The following SEMA3B variants were observed in gnomAD, a reference collection of about 807,000 sequenced individuals.
The protein encoded by SEMA3B is semaphorin 3B.
A neutral mutation model predicts 77.8 loss-of-function variants in SEMA3B; 71 were observed. That is an observed-to-expected ratio of 0.91 (90% confidence interval 0.75 to 1.11). The LOEUF (loss-of-function observed/expected upper bound fraction) is 1.11. Ranked by LOEUF, SEMA3B falls within the 50% of genes most tolerant of loss-of-function variation. SEMA3B has a pLI of 0.00. For synonymous variants in SEMA3B, 470 were observed against 452.9 expected, an observed-to-expected ratio of 1.04 and a Z score of -0.48; for missense variants, 968 against 1,056.8, an observed-to-expected ratio of 0.92 and a Z score of 1.17.
upstream of SEMA3B, among the ~76,000 whole-genome samples, chr3:50,263,950 C>T (rs782064667): frequency 6.6e-6 from 1 of 152,066 alleles, no homozygotes; most frequent in South Asian, 2.1e-4. Flanking sequence ...CTAATCCCAG[C>T]ACTTTGGGAG....
Position 50,274,152 on chromosome 3 carries a change from C to T in SEMA3B, c.1137+95C>T, listed in dbSNP as rs1701143389. ...TCTTCTTGGTGAATGTGGTTTCTTC[C>T]TTTAGTTATGGGTGGGAAAACGTTT... On this transcript the variant is annotated intron_variant, in intron 10 of 16. Transcript: ENST00000616701. The surrounding 1 kb of genome is among the most constrained non-coding windows in gnomAD (Gnocchi z 4.7). 2 of 1,544,250 alleles carry T rather than the reference C, an allele frequency of 1.3e-6. No individual in the cohort carries two copies. The highest frequency in any genetic ancestry group is 1.7e-6 in the Non-Finnish European group (2 of 1,144,294).
In SEMA3B at chr3:50,275,696, C is replaced by T. The variant is rs781793236; in HGVS notation, c.1706-9C>T. 3.1e-6 allele frequency: 5 copies of T among 1,611,784 alleles called. No individual in the cohort carries two copies. The highest frequency in any genetic ancestry group is 3.4e-6 in the Non-Finnish European group (4 of 1,178,338). ...CCTTGCCTAAATCTGACTTTCTTCT[C>T]GCCCCAAGACTCGTCTCGTCCCGCG... On this transcript the variant is annotated splice_polypyrimidine_tract_variant and intron_variant, in intron 15 of 16. Coordinates refer to ENST00000616701, the MANE Select transcript of SEMA3B (RefSeq NM_001290060.2). The surrounding 1 kb of genome is among the most constrained non-coding windows in gnomAD (Gnocchi z 7.5).
At position 50,276,031 on chromosome 3, in the gene SEMA3B, C is replaced by G. The variant is rs587723075; in HGVS notation, c.1845+187C>G. On this transcript the variant is annotated intron_variant, in intron 16 of 16. Coordinates refer to ENST00000616701, the MANE Select transcript of SEMA3B (RefSeq NM_001290060.2). This position sits in a 1 kb window ranked among gnomAD's most constrained non-coding sequence, Gnocchi z 5.8. ...GTCCAACGGGGCTCCCGACCCGCCT[C>G]CCCTGAATCAAGGAGAAGACCCGCC... 863 of 902,670 alleles carry G rather than the reference C, an allele frequency of 9.6e-4. 11 individuals carry two copies. In the African/African-American group the frequency reaches 0.013, roughly 13 times the overall value. 55.9% of individuals were successfully genotyped at this position (902,670 alleles called of 1,614,324 possible).
chr3:50,276,284 G>T lies in SEMA3B; in HGVS notation c.1846-18G>T. The T allele has an allele frequency of 6.8e-7, 1 of 1,470,936 alleles. No homozygotes were observed. The highest frequency in any genetic ancestry group is 1.3e-5 in the South Asian group (1 of 75,510). 91.1% of individuals were successfully genotyped at this position (1,470,936 alleles called of 1,614,324 possible). A position where few individuals can be genotyped will look rare whatever the true frequency, so the allele number is the denominator to read the frequency against. On this transcript the variant is annotated intron_variant, in intron 16 of 16. Transcript: ENST00000616701. The surrounding 1 kb of genome is among the most constrained non-coding windows in gnomAD (Gnocchi z 5.8). The stretch of plus-strand genomic sequence containing the variant: ...TCCCGGCCCGACACCCCCGCCTCAC[G>T]CTGCCCTCTGCCCGCAGGTGCTGGC...
upstream of SEMA3B, among the ~76,000 whole-genome samples, chr3:50,264,665 T>C (rs1033726381): frequency 2.6e-5 from 4 of 152,196 alleles, no homozygotes; most frequent in African/African-American, 9.6e-5. Context: ...AGTATTTATG[T>C]AAATGTCTGT....
At position 50,276,189 on chromosome 3, in the gene SEMA3B, T is replaced by C. The variant is rs1255482954; in HGVS notation, c.1846-113T>C. 2 of 1,359,276 alleles carry C rather than the reference T, an allele frequency of 1.5e-6. No homozygotes were observed. Among genetic ancestry groups the C allele is most frequent in the East Asian group, 2.7e-5 (1 of 36,576 alleles). The allele number at this position is 1,359,276 out of a possible 1,614,324, so 84.2% of individuals were successfully genotyped here. Reference sequence around the variant, plus strand: ...AAAATGTGCGCCTGCGGGCACCCCTTTCCCGCTCCACCTCGGCTCCCAATG... The same window carrying C: ...AAAATGTGCGCCTGCGGGCACCCCTCTCCCGCTCCACCTCGGCTCCCAATG... On this transcript the variant is annotated intron_variant, in intron 16 of 16. Transcript: ENST00000616701. This position sits in a 1 kb window ranked among gnomAD's most constrained non-coding sequence, Gnocchi z 5.8.
rs1205280797 is a variant in SEMA3B at position 50,270,891 on chromosome 3, C to T, written c.332C>T (p.Thr111Ile). The T allele has an allele frequency of 3.1e-6, 5 of 1,601,892 alleles. No homozygotes were observed. Among genetic ancestry groups the T allele is most frequent in the Non-Finnish European group, 4.3e-6 (5 of 1,174,208 alleles). The change falls in exon 4 of 17, where the codon ACT becomes ATT. Residue 111 changes from threonine to isoleucine, a missense_variant and splice_region_variant. Thr to Ile is a moderately conservative substitution (Grantham distance 89). Coordinates refer to ENST00000616701, the MANE Select transcript of SEMA3B (RefSeq NM_001290060.2). This position sits in a 1 kb window ranked among gnomAD's most constrained non-coding sequence, Gnocchi z 4.7. ...ECNWAGKDIG[T>I]ECMNFVKLLH... Reference sequence around the variant, plus strand: ...GCCTCACACCTCCAACCCTACTAGACTGAGTGCATGAACTTCGTGAAGTTG... The same window carrying T: ...GCCTCACACCTCCAACCCTACTAGATTGAGTGCATGAACTTCGTGAAGTTG...
At position 50,269,333 on chromosome 3, in the gene SEMA3B, T is replaced by C; in HGVS notation, c.93T>C (p.Leu31=). The change falls in exon 1 of 17, where the codon CTT becomes CTC. Residue 31 remains leucine (L), a synonymous_variant. Transcript: ENST00000616701. The surrounding 1 kb of genome is among the most constrained non-coding windows in gnomAD (Gnocchi z 4.0). ...LGSAAPSPPR[L]RLSFQELQAW... ...GTGCCGCCCCCAGCCCCCCACGCCT[T>C]CGGCTCTCCTTCCAAGGTAGGTGCA... is the stretch of plus-strand genomic sequence containing the variant. The C allele has an allele frequency of 6.6e-7, 1 of 1,509,012 alleles. No individual in the cohort carries two copies. The allele number at this position is 1,509,012 out of a possible 1,614,324, so 93.5% of individuals were successfully genotyped here.
At chr3:50,264,525 C>T (rs182939389), upstream of SEMA3B, among the ~76,000 whole-genome samples, 86 of 152,286 alleles carry the variant, frequency 5.6e-4, no homozygotes, top group African/African-American at 2.0e-3. Flanking sequence ...TTCAGCCCCA[C>T]CTCCTGCTGG....
In SEMA3B at chr3:50,274,542, A is replaced by G; in HGVS notation, c.1317A>G (p.Ala439=). ...CTCAAATTGCCGCGGACCGGGTTGC[A>G]GCCGCTGACGGACACTATGACGTCC... ...TFTQIAADRV[A]AADGHYDVLF... is the part of the protein sequence containing the mutation. The change falls in exon 11 of 17, where the codon GCA becomes GCG. Residue 439 remains alanine, a synonymous_variant. Coordinates refer to ENST00000616701, the MANE Select transcript of SEMA3B (RefSeq NM_001290060.2). The surrounding 1 kb of genome is among the most constrained non-coding windows in gnomAD (Gnocchi z 4.7). 6.4e-7 allele frequency: 1 copy of G among 1,563,824 alleles called. No homozygotes were observed.
At position 50,269,827 on chromosome 3, in the gene SEMA3B, G is replaced by T. The variant is rs913333002; in HGVS notation, c.110-300G>T. ...ATCCCTGCATGCCAGTCTCCCCCAG[G>T]ACTCTGGTGTCCATAAGCCTTGCCT... On this transcript the variant is annotated intron_variant, in intron 1 of 16. Coordinates refer to ENST00000616701, the MANE Select transcript of SEMA3B (RefSeq NM_001290060.2). This position sits in a 1 kb window ranked among gnomAD's most constrained non-coding sequence, Gnocchi z 4.0. Among the ~76,000 whole-genome samples, 4 of 152,118 alleles carry T rather than the reference G, an allele frequency of 2.6e-5. No individual in the cohort carries two copies. The highest frequency in any genetic ancestry group is 4.4e-5 in the Non-Finnish European group (3 of 68,014).
In SEMA3B at chr3:50,274,331, C is replaced by A; in HGVS notation, c.1138-32C>A. The A allele has an allele frequency of 1.4e-6, 2 of 1,460,992 alleles. No homozygotes were observed. The highest frequency in any genetic ancestry group is 1.8e-4 in the Middle Eastern group (1 of 5,428). 90.5% of individuals were successfully genotyped at this position (1,460,992 alleles called of 1,614,324 possible). A position where few individuals can be genotyped will look rare whatever the true frequency, so the allele number is the denominator to read the frequency against. ...GCCTATCAAGCCCCCATATCTATAT[C>A]CCTGCTGTGCCTCCCTTTCCCCCAC... On this transcript the variant is annotated intron_variant, in intron 10 of 16. Coordinates refer to ENST00000616701, the MANE Select transcript of SEMA3B (RefSeq NM_001290060.2). This position sits in a 1 kb window ranked among gnomAD's most constrained non-coding sequence, Gnocchi z 4.7.
In SEMA3B at chr3:50,274,799, T is replaced by C. The variant is rs367671398; in HGVS notation, c.1358-44T>C. On this transcript the variant is annotated intron_variant, in intron 11 of 16. Transcript: ENST00000616701. This position sits in a 1 kb window ranked among gnomAD's most constrained non-coding sequence, Gnocchi z 4.7. Reference sequence around the variant, plus strand: ...AAGGCGAGGAGACACTAGCCCCAGCTGTCCGGGAGCACCAATGGTCATTAC... The same window carrying C: ...AAGGCGAGGAGACACTAGCCCCAGCCGTCCGGGAGCACCAATGGTCATTAC... 75 of 1,592,910 alleles carry C rather than the reference T, an allele frequency of 4.7e-5. No homozygotes were observed. Among genetic ancestry groups the C allele is most frequent in the Non-Finnish European group, 6.2e-5 (72 of 1,168,072 alleles).
At position 50,270,798 on chromosome 3, in the gene SEMA3B, C is replaced by G. The variant is rs587667213; in HGVS notation, c.331-92C>G. ...TGTTAGTACTTGCCTGGGCTGATGCCGAAGAGAGGGAGGGGTGAGGATGCC... is the reference window on the plus strand; with the variant it reads ...TGTTAGTACTTGCCTGGGCTGATGCGGAAGAGAGGGAGGGGTGAGGATGCC... On this transcript the variant is annotated intron_variant, in intron 3 of 16. Transcript: ENST00000616701. The surrounding 1 kb of genome is among the most constrained non-coding windows in gnomAD (Gnocchi z 4.7). 1.0e-5 allele frequency: 16 copies of G among 1,526,336 alleles called. No homozygotes were observed. Among genetic ancestry groups the G allele is most frequent in the Non-Finnish European group, 1.4e-5 (16 of 1,131,360 alleles). 94.5% of individuals were successfully genotyped at this position (1,526,336 alleles called of 1,614,324 possible). A position where few individuals can be genotyped will look rare whatever the true frequency, so the allele number is the denominator to read the frequency against.
At position 50,269,361 on chromosome 3, in the gene SEMA3B, T is replaced by G; in HGVS notation, c.109+12T>G. 10 of 1,416,062 alleles carry G rather than the reference T, an allele frequency of 7.1e-6. No homozygotes were observed. Among genetic ancestry groups the G allele is most frequent in the Non-Finnish European group, 9.4e-6 (10 of 1,059,320 alleles). The allele number at this position is 1,416,062 out of a possible 1,614,324, so 87.7% of individuals were successfully genotyped here. The stretch of plus-strand genomic sequence containing the variant: ...GCTCTCCTTCCAAGGTAGGTGCACC[T>G]GGCAGGCGGGAGGGCCCAGCTTGAG... On this transcript the variant is annotated intron_variant, in intron 1 of 16. Transcript: ENST00000616701. This position sits in a 1 kb window ranked among gnomAD's most constrained non-coding sequence, Gnocchi z 4.0.
At position 50,275,697 on chromosome 3, in the gene SEMA3B, G is replaced by C; in HGVS notation, c.1706-8G>C. The C allele has an allele frequency of 6.2e-7, 1 of 1,611,668 alleles. No individual in the cohort carries two copies. The highest frequency in any genetic ancestry group is 8.5e-7 in the Non-Finnish European group (1 of 1,178,360). On this transcript the variant is annotated splice_region_variant and splice_polypyrimidine_tract_variant and intron_variant, in intron 15 of 16. Coordinates refer to ENST00000616701, the MANE Select transcript of SEMA3B (RefSeq NM_001290060.2). This position sits in a 1 kb window ranked among gnomAD's most constrained non-coding sequence, Gnocchi z 7.5. ...CTTGCCTAAATCTGACTTTCTTCTC[G>C]CCCCAAGACTCGTCTCGTCCCGCGC... is the stretch of plus-strand genomic sequence containing the variant.
At chr3:50,272,696 G>C (rs1470434254) in intron 6 of SEMA3B, among the ~76,000 whole-genome samples, 2 of 149,392 alleles carry the variant, frequency 1.3e-5, no homozygotes, top group African/African-American at 4.9e-5. Context: ...GGGCAATAGA[G>C]CGAGACTTCG....
chr3:50,276,756 G>A lies in SEMA3B; in HGVS notation c.*50G>A. The A allele has an allele frequency of 7.0e-7, 1 of 1,430,024 alleles. No individual in the cohort carries two copies. Among genetic ancestry groups the A allele is most frequent in the Non-Finnish European group, 9.1e-7 (1 of 1,099,908 alleles). 88.6% of individuals were successfully genotyped at this position (1,430,024 alleles called of 1,614,324 possible). ...CAAGCAGGAGACGACAGGCGAGAGA[G>A]GAGCCAGACAGACCCTGAAAAGAAG... On this transcript the variant is annotated 3_prime_UTR_variant, in exon 17 of 17. Coordinates refer to ENST00000616701, the MANE Select transcript of SEMA3B (RefSeq NM_001290060.2). This position sits in a 1 kb window ranked among gnomAD's most constrained non-coding sequence, Gnocchi z 5.8.
Position 50,274,558 on chromosome 3 carries a change from T to G in SEMA3B, c.1333T>G (p.Tyr445Asp), listed in dbSNP as rs781832346. Residue 445 changes from tyrosine to aspartate, a missense_variant, in exon 11 of 17, where the codon TAT (tyrosine) becomes GAT (aspartate). By Grantham distance (160) the Tyr-to-Asp change is radical. Coordinates refer to ENST00000616701, the MANE Select transcript of SEMA3B (RefSeq NM_001290060.2). The surrounding 1 kb of genome is among the most constrained non-coding windows in gnomAD (Gnocchi z 4.7). ...ADRVAAADGH[Y>D]DVLFIGTDVG... ...CCGGGTTGCAGCCGCTGACGGACAC[T>G]ATGACGTCCTCTTCATTGGCACAGG... is the stretch of plus-strand genomic sequence containing the variant. 6.5e-7 allele frequency: 1 copy of G among 1,546,696 alleles called. No individual in the cohort carries two copies. The highest frequency in any genetic ancestry group is 2.3e-5 in the East Asian group (1 of 43,980).
Sources: allele counts gnomAD v4.1 joint callset (sites outside exome capture counted in the v4.1 genomes callset), GRCh38; gene constraint gnomAD v4.1.1; non-coding constraint Gnocchi (gnomAD v3.1); transcripts MANE v1.5; gene names NCBI Gene and HGNC (gene_info 2026-07-23, HGNC 2026-07-21).